Variants in ZNF558 observed in about 807,000 individuals in gnomAD.
The protein encoded by ZNF558 is zinc finger protein 558.
In ZNF558, 23 loss-of-function variants were observed where a neutral mutation model predicts 37.6. The observed-to-expected ratio is 0.61, with a 90% CI of 0.44 to 0.87. The LOEUF is 0.87. Ranked by LOEUF, ZNF558 falls within the 40% of genes least tolerant of loss-of-function variation. The pLI, the probability that ZNF558 is intolerant of heterozygous loss-of-function variation, is 0.00. For synonymous variants in ZNF558, 189 were observed against 174.4 expected, an observed-to-expected ratio of 1.08 and a Z score of -0.66; for missense variants, 429 against 483.7, an observed-to-expected ratio of 0.89 and a Z score of 1.06.
upstream of ZNF558, among the ~76,000 whole-genome samples, chr19:8,832,857 G>A (rs1277156044): frequency 6.6e-6 from 1 of 152,146 alleles, no homozygotes; most frequent in Non-Finnish European, 1.5e-5. Flanking sequence ...GGGGCTGGCT[G>A]TGGGCGGAGA....
At chr19:8,823,344 C>A (rs1430980353) in intron 4 of ZNF558, among the ~76,000 whole-genome samples, 1 of 149,006 alleles carries the variant, frequency 6.7e-6, no homozygotes, top group African/African-American at 2.5e-5. Flanking sequence ...GTCACCTCCT[C>A]CTGCCTCGGT....
In ZNF558 at chr19:8,810,918, T is replaced by A. The variant is rs1214079248; in HGVS notation, c.*363A>T. Reference sequence around the variant, plus strand: ...GCTGGGCCTTGTAAAGAGGCCTACATGGTAATGACTGAAGGTCCCCTGACA... The same window carrying A: ...GCTGGGCCTTGTAAAGAGGCCTACAAGGTAATGACTGAAGGTCCCCTGACA... On this transcript the variant is annotated 3_prime_UTR_variant, in exon 10 of 10. Coordinates refer to ENST00000601372, the MANE Select transcript of ZNF558 (RefSeq NM_144693.3). 1 of 187,788 alleles carries A rather than the reference T, an allele frequency of 5.3e-6. No individual in the cohort carries two copies. Among genetic ancestry groups the A allele is most frequent in the Non-Finnish European group, 1.1e-5 (1 of 90,498 alleles). 11.6% of individuals were successfully genotyped at this position (187,788 alleles called of 1,614,324 possible).
chr19:8,808,017 T>G lies in ZNF558; in HGVS notation c.*3264A>C, dbSNP rs1555766501. 2.0e-5 allele frequency: 3 copies of G among 152,206 alleles called. No homozygotes were observed. The highest frequency in any genetic ancestry group is 7.2e-5 in the African/African-American group (3 of 41,452). The allele number at this position is 152,206 out of a possible 1,614,324, so 9.4% of individuals were successfully genotyped here. On this transcript the variant is annotated 3_prime_UTR_variant, in exon 10 of 10. Coordinates refer to ENST00000601372, the MANE Select transcript of ZNF558 (RefSeq NM_144693.3). Reference sequence around the variant, plus strand: ...TAACATTACATACTTAAGTTTATAATGCATACTGAGTTAATACTTATATGT... The same window carrying G: ...TAACATTACATACTTAAGTTTATAAGGCATACTGAGTTAATACTTATATGT...
chr19:8,812,991 G>C, intron 8 of ZNF558, 136 bp downstream of exon 8: 1 of 679,636 alleles, frequency 1.5e-6, no homozygotes, highest in Non-Finnish European at 2.6e-6. Flanking sequence ...CACACCAAAT[G>C]TTCTCGTGCA....
chr19:8,822,812 T>A lies in ZNF558; in HGVS notation c.-65-88A>T. On this transcript the variant is annotated intron_variant, in intron 4 of 9. Coordinates refer to ENST00000601372, the MANE Select transcript of ZNF558 (RefSeq NM_144693.3). The surrounding 1 kb of genome is among the most constrained non-coding windows in gnomAD (Gnocchi z 4.4). The stretch of plus-strand genomic sequence containing the variant: ...GGCCCTCCTCAACCCATCCTTCCCA[T>A]CCTTCTTCAAATGCAAGTTCCGGCT... 8.3e-7 allele frequency: 1 copy of A among 1,202,442 alleles called. No homozygotes were observed. Among genetic ancestry groups the A allele is most frequent in the Non-Finnish European group, 1.2e-6 (1 of 846,080 alleles). The allele number at this position is 1,202,442 out of a possible 1,614,324, so 74.5% of individuals were successfully genotyped here.
At position 8,810,158 on chromosome 19, in the gene ZNF558, AG is replaced by A. The variant is rs2043749880; in HGVS notation, c.*1122del. 1 of 152,216 alleles carries A rather than the reference AG, an allele frequency of 6.6e-6. No individual in the cohort carries two copies. The highest frequency in any genetic ancestry group is 1.5e-5 in the Non-Finnish European group (1 of 68,036). 9.4% of individuals were successfully genotyped at this position (152,216 alleles called of 1,614,324 possible). The stretch of plus-strand genomic sequence containing the variant: ...TCCTAACAAATGTAGAAAAACAGAA[AG>A]CTCTCCAATATTGATGATGTTCAAT... On this transcript the variant is annotated 3_prime_UTR_variant, in exon 10 of 10. Coordinates refer to ENST00000601372, the MANE Select transcript of ZNF558 (RefSeq NM_144693.3).
At chr19:8,826,118 G>A (rs1300149575) in intron 2 of ZNF558, among the ~76,000 whole-genome samples, 1 of 152,084 alleles carries the variant, frequency 6.6e-6, no homozygotes, top group Non-Finnish European at 1.5e-5. Context: ...AGGGAAGGCT[G>A]GTGGCCTCTA....
intron 7 of ZNF558, among the ~76,000 whole-genome samples, chr19:8,814,592 T>C (rs556055068): frequency 6.6e-6 from 1 of 152,076 alleles, no homozygotes; most frequent in East Asian, 1.9e-4. Context: ...GCCCAGAAAA[T>C]ACCTGAGAAG....
At chr19:8,820,641 G>A (rs1212229150) in intron 7 of ZNF558, among the ~76,000 whole-genome samples, 8 of 151,984 alleles carry the variant, frequency 5.3e-5, no homozygotes, top group East Asian at 1.9e-4. Flanking sequence ...CACCACGTCC[G>A]GCTAATTTGT....
At chr19:8,815,095 A>G (rs2145205272) in intron 7 of ZNF558, among the ~76,000 whole-genome samples, 1 of 152,314 alleles carries the variant, frequency 6.6e-6, no homozygotes, top group East Asian at 1.9e-4. Context: ...AGGCAAGGAA[A>G]CAAACGTTGG....
intron 7 of ZNF558, among the ~76,000 whole-genome samples, chr19:8,817,281 C>T (rs1045201181): frequency 2.6e-5 from 4 of 152,146 alleles, no homozygotes; most frequent in Non-Finnish European, 5.9e-5. Flanking sequence ...GATTTTTTAA[C>T]TTTATGATGG....
upstream of ZNF558, chr19:8,833,055 G>GGGGGCAGTGGGT (rs1313749627): frequency 6.5e-6 from 1 of 153,054 alleles, no homozygotes; most frequent in African/African-American, 2.4e-5. Context: ...GGCCTGGGGA[G>GGGGGCAGTGGGT]GGGGCAGTGG....
rs369704751 is a variant in ZNF558 at position 8,812,654 on chromosome 19, T to C, written c.344-11A>G. On this transcript the variant is annotated splice_polypyrimidine_tract_variant and intron_variant, in intron 8 of 9. Coordinates refer to ENST00000601372, the MANE Select transcript of ZNF558 (RefSeq NM_144693.3). ...GTAGAGTCTCCAAATCTGAAACAAA[T>C]TGAAAAGAAATTTAGGTTGATGGAG... 61 of 1,567,052 alleles carry C rather than the reference T, an allele frequency of 3.9e-5. No homozygotes were observed. The highest frequency in any genetic ancestry group is 6.9e-5 in the African/African-American group (5 of 72,846).
chr19:8,821,403 C>G, intron 6 of ZNF558, 97 bp from the exon 7 acceptor site: 1 of 1,610,878 alleles, frequency 6.2e-7, no homozygotes, highest in Non-Finnish European at 8.5e-7. Flanking sequence ...CTGGGGAAAC[C>G]TGAGCACGAG....
At chr19:8,824,803 T>C (rs1403080894) in intron 3 of ZNF558, among the ~76,000 whole-genome samples, 199 bp downstream of exon 3, 5 of 152,200 alleles carry the variant, frequency 3.3e-5, no homozygotes, top group Non-Finnish European at 7.3e-5. Flanking sequence ...TCAAGCCTGA[T>C]GTGGCATCTT....
chr19:8,808,603 T>C lies in ZNF558; in HGVS notation c.*2678A>G, dbSNP rs2043722919. ...GTTGCATTAATGTTCATATACCCTA[T>C]ATCCAAATATTAGAGAATATACATT... On this transcript the variant is annotated 3_prime_UTR_variant, in exon 10 of 10. Coordinates refer to ENST00000601372, the MANE Select transcript of ZNF558 (RefSeq NM_144693.3). 6.6e-6 allele frequency: 1 copy of C among 152,274 alleles called. No individual in the cohort carries two copies. Among genetic ancestry groups the C allele is most frequent in the Non-Finnish European group, 1.5e-5 (1 of 68,018 alleles). 9.4% of individuals were successfully genotyped at this position (152,274 alleles called of 1,614,324 possible). A position where few individuals can be genotyped will look rare whatever the true frequency, so the allele number is the denominator to read the frequency against.
At chr19:8,830,009 G>C (rs546214401) in intron 2 of ZNF558, among the ~76,000 whole-genome samples, 3 of 152,102 alleles carry the variant, frequency 2.0e-5, no homozygotes, top group South Asian at 2.1e-4. Flanking sequence ...ATCTCATCTC[G>C]AGTTGTAATA....
chr19:8,826,121 G>A (rs2044225981), intron 2 of ZNF558, among the ~76,000 whole-genome samples: 2 of 152,064 alleles, frequency 1.3e-5, no homozygotes, highest in African/African-American at 4.8e-5. Flanking sequence ...GAAGGCTGGT[G>A]GCCTCTACAA....
At position 8,806,222 on chromosome 19, in the gene ZNF558, A is replaced by T. The variant is rs984661130; in HGVS notation, c.*5059T>A. 6.6e-6 allele frequency: 1 copy of T among 152,174 alleles called. No homozygotes were observed. Among genetic ancestry groups the T allele is most frequent in the East Asian group, 1.9e-4 (1 of 5,200 alleles). 9.4% of individuals were successfully genotyped at this position (152,174 alleles called of 1,614,324 possible). A position where few individuals can be genotyped will look rare whatever the true frequency, so the allele number is the denominator to read the frequency against. Reference sequence around the variant, plus strand: ...AGTTTAGATATACATAAAAGTTGTAAAACTATACAGGGTTGTTTTATACAG... The same window carrying T: ...AGTTTAGATATACATAAAAGTTGTATAACTATACAGGGTTGTTTTATACAG... On this transcript the variant is annotated 3_prime_UTR_variant, in exon 10 of 10. Transcript: ENST00000601372.
Sources: gnomAD v4.1 joint callset for allele counts (sites outside exome capture counted in the v4.1 genomes callset) on GRCh38, gnomAD v4.1.1 for gene constraint, Gnocchi (gnomAD v3.1) non-coding constraint, MANE v1.5 for transcripts, NCBI Gene and HGNC (gene_info 2026-07-23, HGNC 2026-07-21) for gene names.